JADE1: variants seen among roughly 807,000 people sequenced by gnomAD.
JADE1 encodes jade family PHD finger 1.
JADE1 carries 14 observed loss-of-function variants against 81.8 expected under a neutral mutation model. The observed-to-expected ratio is 0.17, with a 90% confidence interval of 0.11 to 0.27. The LOEUF (loss-of-function observed/expected upper bound fraction) is 0.27. Among genes scored for constraint, JADE1 ranks in the 10% least tolerant of loss-of-function variants. The pLI, the probability that JADE1 is intolerant of heterozygous loss-of-function variation, is 1.00. For missense variants in JADE1, 690 were observed against 1,047.9 expected (o/e 0.66, Z 4.71); for synonymous variants, 353 against 391.9 (o/e 0.90, Z 1.17).
In JADE1 at chr4:128,852,278, G is replaced by T; in HGVS notation, c.696+10G>T. 6.2e-7 allele frequency: 1 copy of T among 1,611,964 alleles called. No individual in the cohort carries two copies. Among genetic ancestry groups the T allele is most frequent in the Non-Finnish European group, 8.5e-7 (1 of 1,178,140 alleles). ...CATCTGTGTGCACCAGGTATGTGGG[G>T]CAGGGAGGCCAGAAAGAAGAAACCT... On this transcript the variant is annotated intron_variant, in intron 6 of 10. Coordinates refer to ENST00000226319, the MANE Select transcript of JADE1 (RefSeq NM_199320.4).
Position 128,872,183 on chromosome 4 carries a change from C to T in JADE1, c.2450C>T (p.Ser817Leu), listed in dbSNP as rs1471003203. The T allele has an allele frequency of 2.5e-6, 4 of 1,614,102 alleles. No homozygotes were observed. Residue 817 changes from serine to leucine, a missense_variant, in exon 11 of 11, where the codon TCA becomes TTA. By Grantham distance (145) the Ser-to-Leu change is moderately radical. Coordinates refer to ENST00000226319, the MANE Select transcript of JADE1 (RefSeq NM_199320.4). ...ATGAGTGACTCAGAGAGTGAGGCAT[C>T]AGAAAAGAAATGTATACACACCAGC... ...VEMSDSESEA[S>L]EKKCIHTSST...
rs951884835 is a variant in JADE1, at chr4:128,846,278, T to A, written c.139-97T>A. Reference sequence around the variant, plus strand: ...CTTGTTCTATGTTGATACAGTGACCTTGTTACATGGCAGCTCCATGGTTAC... The same window carrying A: ...CTTGTTCTATGTTGATACAGTGACCATGTTACATGGCAGCTCCATGGTTAC... On this transcript the variant is annotated intron_variant, in intron 3 of 10. Transcript: ENST00000226319. The surrounding 1 kb of genome is among the most constrained non-coding windows in gnomAD (Gnocchi z 4.0). The A allele has an allele frequency of 8.1e-7, 1 of 1,231,754 alleles. No individual in the cohort carries two copies. Among genetic ancestry groups the A allele is most frequent in the Non-Finnish European group, 1.2e-6 (1 of 855,582 alleles). 76.3% of individuals were successfully genotyped at this position (1,231,754 alleles called of 1,614,324 possible).
At chr4:128,866,379 C>T (rs1404038902) in intron 9 of JADE1, among the ~76,000 whole-genome samples, 1 of 152,220 alleles carries the variant, frequency 6.6e-6, no homozygotes, top group Non-Finnish European at 1.5e-5. Flanking sequence ...AGAAGCCTGA[C>T]TTGGCATTTT....
Position 128,872,251 on chromosome 4 carries a change from T to G in JADE1, c.2518T>G (p.Leu840Val). The change falls in exon 11 of 11, where the codon TTG becomes GTG. Residue 840 changes from leucine (L) to valine (V), a missense_variant. Transcript: ENST00000226319. ...RRTDIIRRSI[L>V]AS Reference sequence around the variant, plus strand: ...GACAGACATTATCAGGAGAAGCATCTTGGCTTCTTGATGCAACAGAGATGA... The same window carrying G: ...GACAGACATTATCAGGAGAAGCATCGTGGCTTCTTGATGCAACAGAGATGA... The G allele has an allele frequency of 6.2e-7, 1 of 1,613,212 alleles. No homozygotes were observed. The highest frequency in any genetic ancestry group is 1.7e-4 in the Middle Eastern group (1 of 6,054).
intron 1 of JADE1, among the ~76,000 whole-genome samples, chr4:128,821,935 C>G (rs1727610743): frequency 6.6e-6 from 1 of 152,138 alleles, no homozygotes; most frequent in Admixed American, 6.6e-5. Flanking sequence ...GTTTCAAAAA[C>G]TTAAGCTTTT....
rs1732286532 is a variant in JADE1, at chr4:128,872,729, A to G, written c.*467A>G. 1 of 294,356 alleles carries G rather than the reference A, an allele frequency of 3.4e-6. No individual in the cohort carries two copies. The highest frequency in any genetic ancestry group is 7.0e-6 in the Non-Finnish European group (1 of 143,566). 18.2% of individuals were successfully genotyped at this position (294,356 alleles called of 1,614,324 possible). ...TGGTAGATCTTGAAATCATATTTAT[A>G]TTTGGCCCTCAAGGCTATTTTTGTT... is the stretch of plus-strand genomic sequence containing the variant. On this transcript the variant is annotated 3_prime_UTR_variant, in exon 11 of 11. Coordinates refer to ENST00000226319, the MANE Select transcript of JADE1 (RefSeq NM_199320.4).
intron 1 of JADE1, among the ~76,000 whole-genome samples, chr4:128,830,877 G>C (rs2125825947): frequency 6.6e-6 from 1 of 152,318 alleles, no homozygotes; most frequent in African/African-American, 2.4e-5. Context: ...TCTCATACTT[G>C]AGGGTAGTGC....
At chr4:128,842,515 G>A (rs1171133655) in intron 2 of JADE1, among the ~76,000 whole-genome samples, 1 of 152,130 alleles carries the variant, frequency 6.6e-6, no homozygotes, top group Non-Finnish European at 1.5e-5. Flanking sequence ...GGCCAGGCAG[G>A]TCTTGAATTC....
intron 1 of JADE1, among the ~76,000 whole-genome samples, chr4:128,821,205 A>G (rs1018410133): frequency 4.6e-5 from 7 of 152,212 alleles, no homozygotes; most frequent in Non-Finnish European, 1.0e-4. Context: ...TTCTGAAGAG[A>G]TTAATCTGAC....
Position 128,857,352 on chromosome 4 carries a change from C to T in JADE1, c.879C>T (p.Ser293=), listed in dbSNP as rs777825560. ...ALWIPEVSIG[S]PEKMEPITKV... Reference sequence around the variant, plus strand: ...CCGACCTTTAGGTGAGCATTGGCAGCCCAGAGAAGATGGAGCCCATCACCA... The same window carrying T: ...CCGACCTTTAGGTGAGCATTGGCAGTCCAGAGAAGATGGAGCCCATCACCA... The change falls in exon 8 of 11, where the codon AGC becomes AGT. Residue 293 remains serine (S), a synonymous_variant. Transcript: ENST00000226319. The T allele has an allele frequency of 2.5e-6, 4 of 1,614,014 alleles. No individual in the cohort carries two copies. Among genetic ancestry groups the T allele is most frequent in the African/African-American group, 2.7e-5 (2 of 75,024 alleles).
At chr4:128,819,555 G>C (rs971096879) in intron 1 of JADE1, among the ~76,000 whole-genome samples, 5 of 152,164 alleles carry the variant, frequency 3.3e-5, no homozygotes, top group South Asian at 2.1e-4. Context: ...TGTCAAGTAG[G>C]GTGTATGTGT....
In JADE1 at chr4:128,846,823, T is replaced by C. The variant is rs367740336; in HGVS notation, c.296+291T>C. Among the ~76,000 whole-genome samples, 78 of 152,316 alleles carry C rather than the reference T, an allele frequency of 5.1e-4. 1 individual carries two copies. The highest frequency in any genetic ancestry group is 3.4e-3 in the Middle Eastern group (1 of 294). ...AATTCCAAGACATCCTGGGAAGTGA[T>C]GGGCTAGGGGAGGAAAATTTGGGTG... On this transcript the variant is annotated intron_variant, in intron 4 of 10. Coordinates refer to ENST00000226319, the MANE Select transcript of JADE1 (RefSeq NM_199320.4). The surrounding 1 kb of genome is among the most constrained non-coding windows in gnomAD (Gnocchi z 4.0).
At chr4:128,866,146 G>A (rs912580395) in intron 9 of JADE1, among the ~76,000 whole-genome samples, 2 of 152,194 alleles carry the variant, frequency 1.3e-5, no homozygotes, top group Non-Finnish European at 2.9e-5. Context: ...TTTCTATAAA[G>A]GACACCTGCT....
intron 1 of JADE1, among the ~76,000 whole-genome samples, chr4:128,822,446 C>T (rs963944082): frequency 6.6e-6 from 1 of 152,140 alleles, no homozygotes; most frequent in Non-Finnish European, 1.5e-5. Context: ...GGTGCAGTGG[C>T]TCATGCCTGT....
intron 1 of JADE1, among the ~76,000 whole-genome samples, chr4:128,831,071 G>A (rs1194518894): frequency 6.6e-6 from 1 of 152,142 alleles, no homozygotes; most frequent in Non-Finnish European, 1.5e-5. Flanking sequence ...GTGACCTTGG[G>A]GAAGTTGCTG....
intron 7 of JADE1, among the ~76,000 whole-genome samples, chr4:128,856,605 T>C (rs1730817236): frequency 6.6e-6 from 1 of 152,236 alleles, no homozygotes; most frequent in Non-Finnish European, 1.5e-5. Context: ...TAATTTCAGG[T>C]CTGGTCTAAT....
chr4:128,865,652 G>A (rs1731727419), intron 9 of JADE1, among the ~76,000 whole-genome samples: 1 of 152,128 alleles, frequency 6.6e-6, no homozygotes, highest in Non-Finnish European at 1.5e-5. Context: ...AGTGGAGTTG[G>A]TCAGGGCTGA....
At chr4:128,830,345 T>C (rs1470370046) in intron 1 of JADE1, among the ~76,000 whole-genome samples, 1 of 151,860 alleles carries the variant, frequency 6.6e-6, no homozygotes, top group African/African-American at 2.4e-5. Flanking sequence ...GCGATTCTCC[T>C]GCCTCAGCCT....
At chr4:128,841,027 T>A (rs2125845502) in intron 2 of JADE1, among the ~76,000 whole-genome samples, 1 of 152,346 alleles carries the variant, frequency 6.6e-6, no homozygotes, top group Admixed American at 6.5e-5. Flanking sequence ...GATAGGCTTA[T>A]GTGCAGAATC....
Sources: allele counts gnomAD v4.1 joint callset (sites outside exome capture counted in the v4.1 genomes callset), GRCh38; gene constraint gnomAD v4.1.1; non-coding constraint Gnocchi (gnomAD v3.1); transcripts MANE v1.5; gene names NCBI Gene and HGNC (gene_info 2026-07-23, HGNC 2026-07-21).